Variants in UNC5D observed in about 807,000 individuals in gnomAD.
UNC5D encodes unc-5 netrin receptor D, also known as netrin receptor UNC5D.
In UNC5D, 39 loss-of-function variants were observed where a neutral mutation model predicts 105.4. That is an observed-to-expected ratio of 0.37 (90% CI 0.29 to 0.48). UNC5D has a LOEUF of 0.48. UNC5D is among the 20% of genes least tolerant of loss of function. The pLI, the probability that UNC5D is intolerant of heterozygous loss-of-function variation, is 0.98. For synonymous variants in UNC5D, 452 were observed against 450.4 expected (o/e 1.00, Z -0.04); for missense variants, 991 against 1,202.4 (o/e 0.82, Z 2.60).
rs182232442 is a variant in UNC5D, at chr8:35,660,614, C to T, written c.571-22933C>T. On this transcript the variant is annotated intron_variant, in intron 4 of 16. Transcript: ENST00000404895. ...GGGAGTTAGCTTATGTTGTAAAACA[C>T]GGGAAACGGGAAAAAAGAACCAGAG... Among the ~76,000 whole-genome samples, 198 of 152,150 alleles carry T rather than the reference C, an allele frequency of 1.3e-3. 1 individual carries two copies. Among genetic ancestry groups the T allele is most frequent in the African/African-American group, 4.6e-3 (189 of 41,502 alleles).
At chr8:35,773,288 C>G (rs1802090776) in intron 15 of UNC5D, among the ~76,000 whole-genome samples, 1 of 152,150 alleles carries the variant, frequency 6.6e-6, no homozygotes, top group African/African-American at 2.4e-5. Flanking sequence ...TCTTATTGGA[C>G]AGCTTTAAAC....
At position 35,257,155 on chromosome 8, in the gene UNC5D, A is replaced by G. The variant is rs139166068; in HGVS notation, c.103+21268A>G. Reference sequence around the variant, plus strand: ...CCCAGCTAATTTTTTTATTTGTAGTAGAGACGGGGTTTCACCATGTTGGTC... The same window carrying G: ...CCCAGCTAATTTTTTTATTTGTAGTGGAGACGGGGTTTCACCATGTTGGTC... On this transcript the variant is annotated intron_variant, in intron 1 of 16. Transcript: ENST00000404895. 7.2e-3 allele frequency among the ~76,000 whole-genome samples: 1,097 copies of G among 151,958 alleles called. 9 individuals are homozygous for G. The highest frequency in any genetic ancestry group is 9.8e-3 in the Non-Finnish European group (665 of 67,946).
intron 4 of UNC5D, 141 bp downstream of exon 4, chr8:35,595,798 G>A (rs116987937): frequency 1.0e-5 from 7 of 675,954 alleles, no homozygotes; most frequent in East Asian, 5.4e-5. Flanking sequence ...TGCTAAACAC[G>A]GTGAAGAAAT....
intron 1 of UNC5D, among the ~76,000 whole-genome samples, chr8:35,250,743 C>T (rs950290774): frequency 3.3e-5 from 5 of 152,112 alleles, no homozygotes; most frequent in South Asian, 2.1e-4. Context: ...GCAATCCGCC[C>T]GCCTCGGCCT....
chr8:35,789,629 C>T (rs1055540483), intron 16 of UNC5D, among the ~76,000 whole-genome samples: 6 of 151,738 alleles, frequency 4.0e-5, no homozygotes, highest in Admixed American at 3.9e-4. Flanking sequence ...ATCCCAAGGC[C>T]ATTTAGAGAT....
At chr8:35,525,325 G>T in intron 1 of UNC5D, 1 of 1,612,186 alleles carries the variant, frequency 6.2e-7, no homozygotes, top group East Asian at 2.2e-5. Context: ...TTTTCCACTT[G>T]ATATGGGGGT....
intron 1 of UNC5D, among the ~76,000 whole-genome samples, chr8:35,542,934 G>C (rs977553768): frequency 6.6e-6 from 1 of 152,150 alleles, no homozygotes; most frequent in Non-Finnish European, 1.5e-5. Flanking sequence ...TGGTCATGGT[G>C]CCACATGATA....
intron 1 of UNC5D, among the ~76,000 whole-genome samples, chr8:35,416,700 T>C (rs1448204694): frequency 6.6e-6 from 1 of 152,044 alleles, no homozygotes; most frequent in East Asian, 1.9e-4. Context: ...ATTTTCCAAC[T>C]GGAAGAGAAA....
At chr8:35,263,288 A>T (rs1051677217) in intron 1 of UNC5D, among the ~76,000 whole-genome samples, 11 of 152,254 alleles carry the variant, frequency 7.2e-5, no homozygotes, top group Non-Finnish European at 8.8e-5. Context: ...TTAATTTATC[A>T]AATTACAATT....
At chr8:35,517,260 ATT>A (rs1417362339) in intron 1 of UNC5D, among the ~76,000 whole-genome samples, 1 of 152,184 alleles carries the variant, frequency 6.6e-6, no homozygotes, top group Non-Finnish European at 1.5e-5. Flanking sequence ...CTAGACTGTC[ATT>A]CAATCGTGTT....
intron 4 of UNC5D, among the ~76,000 whole-genome samples, chr8:35,650,344 C>T (rs1469725181): frequency 2.6e-5 from 4 of 152,058 alleles, no homozygotes; most frequent in African/African-American, 9.7e-5. Context: ...CAGGAGCCTC[C>T]CTTAGCCCTG....
At chr8:35,743,731 C>T (rs1829876489) in intron 11 of UNC5D, among the ~76,000 whole-genome samples, 1 of 151,988 alleles carries the variant, frequency 6.6e-6, no homozygotes. Context: ...TTGTCTCTCT[C>T]CTCTCTCCTT....
intron 1 of UNC5D, among the ~76,000 whole-genome samples, chr8:35,241,537 G>A (rs944282138): frequency 1.3e-5 from 2 of 151,964 alleles, no homozygotes; most frequent in Non-Finnish European, 2.9e-5. Flanking sequence ...TTTTTCAGAT[G>A]ATATCAGGCC....
intron 4 of UNC5D, among the ~76,000 whole-genome samples, chr8:35,603,115 CTAGTTCTTT>C (rs1311608828): frequency 6.6e-6 from 1 of 152,046 alleles, no homozygotes; most frequent in African/African-American, 2.4e-5. Flanking sequence ...TCTTGCTTCT[CTAGTTCTTT>C]TAATTGTGAT....
chr8:35,240,712 A>G (rs62503912), intron 1 of UNC5D, among the ~76,000 whole-genome samples: 17,596 of 152,230 alleles, frequency 0.12, 1,138 homozygotes, highest in African/African-American at 0.16. Flanking sequence ...CAGAAAAGAA[A>G]ATGACCCTTG....
intron 1 of UNC5D, among the ~76,000 whole-genome samples, chr8:35,452,962 C>A (rs977731706): frequency 3.9e-5 from 6 of 152,050 alleles, no homozygotes; most frequent in Admixed American, 3.9e-4. Context: ...AGTATTGGAA[C>A]AAATTGATGT....
chr8:35,582,665 G>A (rs1408935360), intron 3 of UNC5D, among the ~76,000 whole-genome samples: 1 of 152,126 alleles, frequency 6.6e-6, no homozygotes. Flanking sequence ...AACTAATAAT[G>A]TGATTAAATT....
At chr8:35,432,701 A>G (rs1806727278) in intron 1 of UNC5D, among the ~76,000 whole-genome samples, 1 of 152,130 alleles carries the variant, frequency 6.6e-6, no homozygotes, top group South Asian at 2.1e-4. Context: ...TAAATAATAA[A>G]CCATCTTATC....
chr8:35,410,202 C>A (rs1805076800), intron 1 of UNC5D, among the ~76,000 whole-genome samples: 1 of 151,978 alleles, frequency 6.6e-6, no homozygotes, highest in Non-Finnish European at 1.5e-5. Context: ...TAAATACTTA[C>A]TGGATAAAGT....
Sources: allele counts gnomAD v4.1 joint callset (sites outside exome capture counted in the v4.1 genomes callset), GRCh38; gene constraint gnomAD v4.1.1; transcripts MANE v1.5; gene names NCBI Gene and HGNC (gene_info 2026-07-23, HGNC 2026-07-21).